The following HIVEP2 variants were observed in gnomAD, a reference collection of about 807,000 sequenced individuals.
HIVEP2 encodes the protein transcription factor HIVEP2.
In HIVEP2, 14 loss-of-function variants were observed where a neutral mutation model predicts 180.7. The observed-to-expected ratio is 0.08, with a 90% confidence interval of 0.05 to 0.12. The LOEUF is 0.12. HIVEP2 is among the 10% of genes least tolerant of loss of function. The probability of loss-of-function intolerance (pLI) is 1.00; values close to 1 mark genes in which losing one functional copy is unlikely to be tolerated. For missense variants in HIVEP2, 2,579 were observed against 3,008.5 expected, an observed-to-expected ratio of 0.86 and a Z score of 3.34; for synonymous variants, 1,184 against 1,136.4, an observed-to-expected ratio of 1.04 and a Z score of -0.84.
At chr6:142,778,333 C>T (rs1372258473) in intron 3 of HIVEP2, among the ~76,000 whole-genome samples, 2 of 152,156 alleles carry the variant, frequency 1.3e-5, no homozygotes, top group Non-Finnish European at 2.9e-5. Flanking sequence ...TCTAAATTGG[C>T]TGACTGTGTT....
chr6:142,773,731 A>C lies in HIVEP2; in HGVS notation c.1008T>G (p.Pro336=), dbSNP rs1225468502. The C allele has an allele frequency of 3.1e-6, 5 of 1,613,926 alleles. No homozygotes were observed. Among genetic ancestry groups the C allele is most frequent in the Middle Eastern group, 1.6e-4 (1 of 6,084 alleles). Residue 336 remains proline (P), a synonymous_variant, in exon 5 of 10, where the codon CCT becomes CCG. Transcript: ENST00000367603. ...TATACTGAGAGCTTTCATTAGGGAG[A>C]GGAATCCCACTTTTAGGGATAATCA... is the stretch of plus-strand genomic sequence containing the variant. ...PILIIPKSGI[P]LPNESSQYIG... is the part of the protein sequence containing the mutation.
intron 1 of HIVEP2, among the ~76,000 whole-genome samples, chr6:142,860,668 C>A (rs972929610): frequency 6.6e-6 from 1 of 152,264 alleles, no homozygotes; most frequent in African/African-American, 2.4e-5. Context: ...ATAGGGTTCA[C>A]GCTTCTGTGA....
chr6:142,900,587 C>T (rs1441914721), intron 1 of HIVEP2, among the ~76,000 whole-genome samples: 2 of 152,178 alleles, frequency 1.3e-5, no homozygotes, highest in Non-Finnish European at 2.9e-5. Flanking sequence ...CCCCCTGAGA[C>T]ACACAGAAAA....
intron 1 of HIVEP2, among the ~76,000 whole-genome samples, chr6:142,866,659 G>A (rs1776145892): frequency 6.6e-6 from 1 of 152,172 alleles, no homozygotes; most frequent in Non-Finnish European, 1.5e-5. Flanking sequence ...TAGGTACTTT[G>A]ATGCTAAGGA....
Position 142,764,931 on chromosome 6 carries a change from G to A in HIVEP2, c.5386C>T (p.Arg1796Trp). The A allele has an allele frequency of 6.2e-7, 1 of 1,613,566 alleles. No individual in the cohort carries two copies. The highest frequency in any genetic ancestry group is 8.5e-7 in the Non-Finnish European group (1 of 1,179,660). ...EDYVYVRGRGRGKYICEECGI... is the reference protein window; with the variant it reads ...EDYVYVRGRGWGKYICEECGI... ...CATTCTTCACAAATGTACTTTCCCC[G>A]GCCACGTCCTCTGACATATACATAA... Residue 1796 changes from arginine to tryptophan, a missense_variant, in exon 7 of 10, where the codon CGG becomes TGG. Arg to Trp is a moderately radical substitution (Grantham distance 101). This residue lies in a region of HIVEP2 where 21 missense variants were observed against 86.8 expected (regional missense o/e 0.24). Coordinates refer to ENST00000367603, the MANE Select transcript of HIVEP2 (RefSeq NM_006734.4).
Position 142,770,735 on chromosome 6 carries a change from G to C in HIVEP2, c.4004C>G (p.Pro1335Arg). 6.2e-7 allele frequency: 1 copy of C among 1,614,214 alleles called. No individual in the cohort carries two copies. The highest frequency in any genetic ancestry group is 8.5e-7 in the Non-Finnish European group (1 of 1,180,036). ...SLQSLPGTVV[P>R]VRIQTHVPSY... Reference sequence around the variant, plus strand: ...TGGTACGTGCGTCTGGATCCGAACAGGAACCACTGTTCCTGGGAGGGACTG... The same window carrying C: ...TGGTACGTGCGTCTGGATCCGAACACGAACCACTGTTCCTGGGAGGGACTG... Residue 1335 changes from proline to arginine, a missense_variant, in exon 5 of 10, where the codon CCT becomes CGT. Transcript: ENST00000367603. The surrounding 1 kb of genome is among the most constrained non-coding windows in gnomAD (Gnocchi z 4.7).
chr6:142,809,622 C>T (rs1776639512), intron 2 of HIVEP2, among the ~76,000 whole-genome samples: 1 of 135,122 alleles, frequency 7.4e-6, no homozygotes, highest in African/African-American at 2.9e-5. Context: ...GAGATGGGGT[C>T]TCACTCTGTC....
At chr6:142,893,415 A>G (rs190138018) in intron 1 of HIVEP2, among the ~76,000 whole-genome samples, 1 of 152,322 alleles carries the variant, frequency 6.6e-6, no homozygotes, top group East Asian at 1.9e-4. Context: ...TTGATAATCT[A>G]TAATCATAAG....
intron 1 of HIVEP2, among the ~76,000 whole-genome samples, chr6:142,927,494 T>G (rs1161817493): frequency 6.6e-6 from 1 of 152,130 alleles, no homozygotes; most frequent in Non-Finnish European, 1.5e-5. Context: ...TCCAGTAAGG[T>G]GAAAGTAGGC....
At chr6:142,877,465 G>A (rs1158800191) in intron 1 of HIVEP2, among the ~76,000 whole-genome samples, 1 of 152,026 alleles carries the variant, frequency 6.6e-6, no homozygotes, top group Non-Finnish European at 1.5e-5. Context: ...TCACAGTTCA[G>A]AACTGAAATT....
intron 1 of HIVEP2, among the ~76,000 whole-genome samples, chr6:142,913,212 C>A (rs1341604174): frequency 2.0e-5 from 3 of 152,212 alleles, no homozygotes; most frequent in Non-Finnish European, 4.4e-5. Flanking sequence ...GCTGTTACAA[C>A]ATCTTCAAAA....
At chr6:142,886,725 T>C (rs1164226038) in intron 1 of HIVEP2, among the ~76,000 whole-genome samples, 1 of 152,224 alleles carries the variant, frequency 6.6e-6, no homozygotes, top group Non-Finnish European at 1.5e-5. Context: ...TCTCAGTGCT[T>C]AATGTTATTA....
chr6:142,931,143 C>G (rs1462053205), intron 1 of HIVEP2, among the ~76,000 whole-genome samples: 1 of 152,074 alleles, frequency 6.6e-6, no homozygotes, highest in African/African-American at 2.4e-5. Flanking sequence ...AATAAGTCAT[C>G]TGTGCAGGAA....
At chr6:142,795,842 C>T (rs967229182) in intron 2 of HIVEP2, among the ~76,000 whole-genome samples, 1 of 152,148 alleles carries the variant, frequency 6.6e-6, no homozygotes, top group African/African-American at 2.4e-5. Flanking sequence ...ACTCCTTGGC[C>T]TCCTGCTTCT....
chr6:142,854,231 C>A (rs1775761978), intron 1 of HIVEP2, among the ~76,000 whole-genome samples: 1 of 152,056 alleles, frequency 6.6e-6, no homozygotes, highest in South Asian at 2.1e-4. Flanking sequence ...GTTGCCAAGA[C>A]TGGGAGTGGG....
At position 142,898,384 on chromosome 6, in the gene HIVEP2, G is replaced by A. The variant is rs576439591; in HGVS notation, c.-641+46715C>T. ...ATCTAAAATGTAGGTCACACAGGCC[G>A]CGCGCAGTGGCTCACACCTGTAATC... On this transcript the variant is annotated intron_variant, in intron 1 of 9. Transcript: ENST00000367603. 7.9e-5 allele frequency among the ~76,000 whole-genome samples: 12 copies of A among 152,238 alleles called. No homozygotes were observed. In the East Asian group the frequency reaches 1.5e-3, roughly 20 times the overall value.
intron 1 of HIVEP2, among the ~76,000 whole-genome samples, chr6:142,872,968 C>G (rs2128412493): frequency 6.6e-6 from 1 of 152,224 alleles, no homozygotes; most frequent in South Asian, 2.1e-4. Flanking sequence ...TTTAATTATC[C>G]AAAGGATCTA....
At chr6:142,901,703 T>A (rs550895795) in intron 1 of HIVEP2, among the ~76,000 whole-genome samples, 71 of 152,304 alleles carry the variant, frequency 4.7e-4, no homozygotes, top group African/African-American at 1.7e-3. Context: ...ATTCTCATAA[T>A]CTTGAGCCTC....
At chr6:142,806,013 A>G (rs568377949) in intron 2 of HIVEP2, among the ~76,000 whole-genome samples, 86 of 152,146 alleles carry the variant, frequency 5.7e-4, no homozygotes, top group African/African-American at 2.0e-3. Context: ...ATAGATCTCA[A>G]TACATCTACA....
Sources: allele counts gnomAD v4.1 joint callset (sites outside exome capture counted in the v4.1 genomes callset), GRCh38; gene constraint gnomAD v4.1.1; regional missense constraint gnomAD v4.1.1; non-coding constraint Gnocchi (gnomAD v3.1); transcripts MANE v1.5; gene names NCBI Gene and HGNC (gene_info 2026-07-23, HGNC 2026-07-21).